COL23A1: variants seen among roughly 807,000 people sequenced by gnomAD.
The protein encoded by COL23A1 is collagen alpha-1(XXIII) chain.
In COL23A1, 97 loss-of-function variants were observed where a neutral mutation model predicts 99.3. The observed-to-expected ratio is 0.98, with a 90% CI of 0.83 to 1.16. COL23A1 has a LOEUF of 1.16. Among genes scored for constraint, COL23A1 ranks in the 50% most tolerant of loss-of-function variants. The pLI is 0.00. For missense variants in COL23A1, 762 were observed against 757.4 expected (o/e 1.01, Z -0.07); for synonymous variants, 320 against 308.2 (o/e 1.04, Z -0.40).
chr5:178,440,637 T>C (rs554489660), intron 2 of COL23A1, among the ~76,000 whole-genome samples: 2 of 148,982 alleles, frequency 1.3e-5, no homozygotes, highest in East Asian at 4.0e-4. Flanking sequence ...TTTTCTGAGA[T>C]GGAGTTTCAC....
intron 2 of COL23A1, among the ~76,000 whole-genome samples, chr5:178,386,931 C>T (rs1763708280): frequency 6.6e-6 from 1 of 152,146 alleles, no homozygotes; most frequent in Admixed American, 6.5e-5. Context: ...CCAGTATCAT[C>T]AGACATTTGA....
At chr5:178,512,542 G>A (rs1040723051) in intron 2 of COL23A1, among the ~76,000 whole-genome samples, 1 of 152,180 alleles carries the variant, frequency 6.6e-6, no homozygotes, top group Non-Finnish European at 1.5e-5. Context: ...CAACAGAAAG[G>A]TGTCAGGTGT....
rs1368461960 is a variant in COL23A1 at position 178,309,393 on chromosome 5, G to A, written c.362-2474C>T. Among the ~76,000 whole-genome samples, 1 of 152,092 alleles carries A rather than the reference G, an allele frequency of 6.6e-6. No homozygotes were observed. The highest frequency in any genetic ancestry group is 1.5e-5 in the Non-Finnish European group (1 of 68,000). On this transcript the variant is annotated intron_variant, in intron 2 of 28. Coordinates refer to ENST00000390654, the MANE Select transcript of COL23A1 (RefSeq NM_173465.4). The surrounding 1 kb of genome is among the most constrained non-coding windows in gnomAD (Gnocchi z 4.7). Reference sequence around the variant, plus strand: ...GTGTTGCTGAGCATACAGGGCCTGTGAGCCGCAGGCCAGGCAGGCTGGATG... The same window carrying A: ...GTGTTGCTGAGCATACAGGGCCTGTAAGCCGCAGGCCAGGCAGGCTGGATG...
Position 178,468,140 on chromosome 5 carries a change from G to T in COL23A1, c.361+92542C>A, listed in dbSNP as rs1756523864. Among the ~76,000 whole-genome samples, 1 of 152,204 alleles carries T rather than the reference G, an allele frequency of 6.6e-6. No homozygotes were observed. Reference sequence around the variant, plus strand: ...TGGTGAGAAATCTGAGTGCCAGAAAGAGAGCGCCGGCTTTGGGGTGTGCTT... The same window carrying T: ...TGGTGAGAAATCTGAGTGCCAGAAATAGAGCGCCGGCTTTGGGGTGTGCTT... On this transcript the variant is annotated intron_variant, in intron 2 of 28. Transcript: ENST00000390654. The surrounding 1 kb of genome is among the most constrained non-coding windows in gnomAD (Gnocchi z 4.2).
intron 2 of COL23A1, among the ~76,000 whole-genome samples, chr5:178,369,280 C>T (rs865777079): frequency 2.0e-5 from 3 of 152,132 alleles, no homozygotes; most frequent in African/African-American, 7.2e-5. Flanking sequence ...CCCCCCCACA[C>T]CACCCTCCTG....
intron 2 of COL23A1, among the ~76,000 whole-genome samples, chr5:178,492,103 T>G (rs574141700): frequency 7.2e-5 from 11 of 152,358 alleles, no homozygotes; most frequent in African/African-American, 2.6e-4. Context: ...TCAAATAATT[T>G]TGAATTGAAG....
intron 2 of COL23A1, among the ~76,000 whole-genome samples, chr5:178,482,105 AG>A (rs1362091205): frequency 1.3e-5 from 2 of 152,070 alleles, no homozygotes; most frequent in Non-Finnish European, 2.9e-5. Context: ...TATATGATCC[AG>A]AAATTCCACT....
intron 2 of COL23A1, among the ~76,000 whole-genome samples, chr5:178,403,124 A>AAAAAC (rs1764552982): frequency 1.8e-5 from 1 of 55,244 alleles, no homozygotes; most frequent in Non-Finnish European, 3.3e-5. Flanking sequence ...AAAAAAAAAT[A>AAAAAC]AATAAATAAA....
chr5:178,535,822 G>T lies in COL23A1; in HGVS notation c.361+24860C>A, dbSNP rs112116914. On this transcript the variant is annotated intron_variant, in intron 2 of 28. Coordinates refer to ENST00000390654, the MANE Select transcript of COL23A1 (RefSeq NM_173465.4). ...CCATCGTGGAGAGGGCTGTGAGAGGGTGGGCATCCCGCCATGTGGCCCTGA... is the reference window on the plus strand; with the variant it reads ...CCATCGTGGAGAGGGCTGTGAGAGGTTGGGCATCCCGCCATGTGGCCCTGA... Among the ~76,000 whole-genome samples the T allele has an allele frequency of 6.0e-3, 911 of 152,396 alleles. 9 individuals are homozygous for T. The highest frequency in any genetic ancestry group is 0.034 in the Middle Eastern group (10 of 294).
intron 2 of COL23A1, among the ~76,000 whole-genome samples, chr5:178,364,032 A>G (rs1440617349): frequency 6.6e-6 from 1 of 152,146 alleles, no homozygotes; most frequent in East Asian, 1.9e-4. Flanking sequence ...CTGAGGTAAA[A>G]GTGGCAATCC....
intron 2 of COL23A1, among the ~76,000 whole-genome samples, chr5:178,312,191 C>A (rs1003152581): frequency 3.9e-5 from 6 of 152,166 alleles, no homozygotes; most frequent in Non-Finnish European, 4.4e-5. Flanking sequence ...AAGCCGGGAG[C>A]TTTCCCGTGT....
chr5:178,523,231 G>GAC (rs1491275726), intron 2 of COL23A1, among the ~76,000 whole-genome samples: 2 of 108,860 alleles, frequency 1.8e-5, no homozygotes, highest in Non-Finnish European at 3.8e-5. Context: ...GAGAGACAGA[G>GAC]GGAGAGACAG....
intron 2 of COL23A1, among the ~76,000 whole-genome samples, chr5:178,503,921 C>T (rs1191148286): frequency 1.3e-5 from 2 of 152,170 alleles, no homozygotes; most frequent in South Asian, 4.1e-4. Flanking sequence ...GTGCGGGCTT[C>T]CCTGCTGTGT....
intron 16 of COL23A1, among the ~76,000 whole-genome samples, chr5:178,253,462 C>T (rs915137721): frequency 2.0e-4 from 31 of 152,138 alleles, no homozygotes; most frequent in South Asian, 6.2e-4. Flanking sequence ...GCTAGCCTTC[C>T]CCCAATATGT....
Position 178,255,533 on chromosome 5 carries a change from A to G in COL23A1, c.883-507T>C, listed in dbSNP as rs1342944616. Among the ~76,000 whole-genome samples the G allele has an allele frequency of 6.6e-6, 1 of 151,686 alleles. No homozygotes were observed. The highest frequency in any genetic ancestry group is 2.0e-4 in the East Asian group (1 of 5,102). On this transcript the variant is annotated intron_variant, in intron 15 of 28. Coordinates refer to ENST00000390654, the MANE Select transcript of COL23A1 (RefSeq NM_173465.4). The surrounding 1 kb of genome is among the most constrained non-coding windows in gnomAD (Gnocchi z 4.2). ...CATATGCTGCACACTCATTGTGCAC[A>G]CTCACACGTGCACGCATGGCTGCTG...
At chr5:178,449,449 G>A (rs968840622) in intron 2 of COL23A1, among the ~76,000 whole-genome samples, 5 of 152,114 alleles carry the variant, frequency 3.3e-5, no homozygotes, top group African/African-American at 9.7e-5. Flanking sequence ...GAGGTTTCTC[G>A]CTCACAACCA....
intron 17 of COL23A1, among the ~76,000 whole-genome samples, chr5:178,250,738 T>C (rs1764987021): frequency 1.5e-5 from 1 of 67,988 alleles, no homozygotes; most frequent in African/African-American, 3.0e-5. Context: ...ATCCCAGCAC[T>C]CTGGGAGGCT....
At chr5:178,258,647 G>A (rs529979318) in intron 12 of COL23A1, among the ~76,000 whole-genome samples, 49 of 151,868 alleles carry the variant, frequency 3.2e-4, no homozygotes, top group Middle Eastern at 3.4e-3. Flanking sequence ...AGCCTGCCTC[G>A]GCCTCCCAGA....
intron 2 of COL23A1, among the ~76,000 whole-genome samples, chr5:178,520,424 C>T (rs78826459): frequency 0.073 from 11,067 of 152,164 alleles, 529 homozygotes; most frequent in Middle Eastern, 0.12. Flanking sequence ...AGAACTGATA[C>T]GGAAGCTACT....
Sources: gnomAD v4.1 joint callset for allele counts (sites outside exome capture counted in the v4.1 genomes callset) on GRCh38, gnomAD v4.1.1 for gene constraint, Gnocchi (gnomAD v3.1) non-coding constraint, MANE v1.5 for transcripts, NCBI Gene and HGNC (gene_info 2026-07-23, HGNC 2026-07-21) for gene names.